SMARCC1: variants seen among roughly 807,000 people sequenced by gnomAD.
SMARCC1 encodes the protein SWI/SNF complex subunit SMARCC1.
A neutral mutation model predicts 147.4 loss-of-function variants in SMARCC1; 43 were observed. That is an observed-to-expected ratio of 0.29 (90% confidence interval 0.23 to 0.38). The LOEUF (loss-of-function observed/expected upper bound fraction) is 0.38. Among genes scored for constraint, SMARCC1 ranks in the 10% least tolerant of loss-of-function variants. The probability of loss-of-function intolerance (pLI) is 1.00; values close to 1 mark genes in which losing one functional copy is unlikely to be tolerated. For synonymous variants in SMARCC1, 495 were observed against 484.4 expected, an observed-to-expected ratio of 1.02 and a Z score of -0.29; for missense variants, 1,119 against 1,381.1, an observed-to-expected ratio of 0.81 and a Z score of 3.01.
chr3:47,687,841 C>A (rs2033744452), intron 13 of SMARCC1, among the ~76,000 whole-genome samples: 1 of 152,164 alleles, frequency 6.6e-6, no homozygotes, highest in Non-Finnish European at 1.5e-5. Context: ...TGGCTCACGC[C>A]AGCATAGTAA....
intron 21 of SMARCC1, among the ~76,000 whole-genome samples, chr3:47,647,631 A>G (rs552527367): frequency 6.6e-6 from 1 of 152,294 alleles, no homozygotes; most frequent in South Asian, 2.1e-4. Flanking sequence ...TGAGGCCAAA[A>G]ACTTGGGAGA....
chr3:47,606,643 T>C (rs901779002), intron 26 of SMARCC1, among the ~76,000 whole-genome samples: 3 of 152,214 alleles, frequency 2.0e-5, no homozygotes, highest in African/African-American at 7.2e-5. Context: ...ACCAAGTAGC[T>C]ACAGTAAACT....
At chr3:47,748,166 A>G (rs923033662) in intron 2 of SMARCC1, among the ~76,000 whole-genome samples, 2 of 152,162 alleles carry the variant, frequency 1.3e-5, no homozygotes, top group Non-Finnish European at 2.9e-5. Flanking sequence ...ATAAAAAATA[A>G]AAATAAAAAC....
intron 2 of SMARCC1, among the ~76,000 whole-genome samples, chr3:47,762,575 C>T (rs1254594865): frequency 1.3e-5 from 2 of 152,222 alleles, no homozygotes; most frequent in Non-Finnish European, 2.9e-5. Context: ...TTATGCTCAA[C>T]GTATTTACAG....
intron 5 of SMARCC1, among the ~76,000 whole-genome samples, chr3:47,732,391 T>A (rs1391007632): frequency 2.0e-5 from 3 of 152,236 alleles, no homozygotes; most frequent in Non-Finnish European, 4.4e-5. Context: ...ATCATTTGCA[T>A]GTTCACTACA....
chr3:47,718,844 T>A (rs574109188), intron 7 of SMARCC1, among the ~76,000 whole-genome samples: 2 of 152,196 alleles, frequency 1.3e-5, no homozygotes, highest in Non-Finnish European at 2.9e-5. Flanking sequence ...TAGAAAAATA[T>A]AGTACAAACA....
intron 1 of SMARCC1, among the ~76,000 whole-genome samples, chr3:47,774,165 G>A (rs1270254965): frequency 1.3e-5 from 2 of 151,498 alleles, no homozygotes; most frequent in African/African-American, 2.4e-5. Flanking sequence ...ATTATGCATA[G>A]GACAAAGGGC....
chr3:47,730,533 T>C (rs2034360479), intron 5 of SMARCC1, among the ~76,000 whole-genome samples: 1 of 152,154 alleles, frequency 6.6e-6, no homozygotes, highest in Non-Finnish European at 1.5e-5. Context: ...GAAAACAGTG[T>C]ACATACCTTA....
chr3:47,752,652 C>T (rs377626049), intron 2 of SMARCC1, among the ~76,000 whole-genome samples: 104 of 151,944 alleles, frequency 6.8e-4, no homozygotes, highest in African/African-American at 2.3e-3. Context: ...AAAATTAGCC[C>T]GGCATGGTAG....
chr3:47,702,398 TAG>T (rs1559649115), intron 10 of SMARCC1, among the ~76,000 whole-genome samples: 1 of 152,004 alleles, frequency 6.6e-6, no homozygotes, highest in East Asian at 1.9e-4. Context: ...AAATACATCA[TAG>T]AGAGATTGTA....
chr3:47,701,817 G>A (rs1490554081), intron 10 of SMARCC1, among the ~76,000 whole-genome samples: 1 of 151,226 alleles, frequency 6.6e-6, no homozygotes, highest in African/African-American at 2.4e-5. Context: ...CCATCTAAAA[G>A]AATTTTTAAA....
At chr3:47,708,082 T>TCTTTTTTC (rs1262331061) in intron 9 of SMARCC1, among the ~76,000 whole-genome samples, 2 of 92,450 alleles carry the variant, frequency 2.2e-5, no homozygotes, top group African/African-American at 7.3e-5. Context: ...GAATTTTTTT[T>TCTTTTTTC]CTTTTTTTTT....
intron 2 of SMARCC1, among the ~76,000 whole-genome samples, chr3:47,771,722 C>T (rs4858857): frequency 0.6 from 91,594 of 151,778 alleles, 28,974 homozygotes; most frequent in East Asian, 0.72. Flanking sequence ...CCAGCCTGGG[C>T]GACAGAACAA....
At chr3:47,628,103 T>TCATCAAATTCGGAAAGTTTC (rs1288429143) in intron 24 of SMARCC1, among the ~76,000 whole-genome samples, 1 of 152,118 alleles carries the variant, frequency 6.6e-6, no homozygotes, top group Non-Finnish European at 1.5e-5. Context: ...GTTAAAGTTT[T>TCATCAAATTCGGAAAGTTTC]CATCAAATTC....
At chr3:47,745,733 A>G (rs2034557623) in intron 3 of SMARCC1, among the ~76,000 whole-genome samples, 175 bp downstream of exon 3, 1 of 152,166 alleles carries the variant, frequency 6.6e-6, no homozygotes, top group African/African-American at 2.4e-5. Flanking sequence ...TGTCTCAAAA[A>G]TAAATAAATA....
intron 24 of SMARCC1, among the ~76,000 whole-genome samples, chr3:47,629,666 T>C (rs2032860996): frequency 6.6e-6 from 1 of 152,112 alleles, no homozygotes; most frequent in Non-Finnish European, 1.5e-5. Flanking sequence ...AGAAAGGATG[T>C]ATAGAGAATG....
chr3:47,781,203 C>A (rs1267779327), intron 1 of SMARCC1, among the ~76,000 whole-genome samples: 4 of 152,170 alleles, frequency 2.6e-5, no homozygotes, highest in Non-Finnish European at 5.9e-5. Flanking sequence ...AGGTAGCAAA[C>A]CCCCTCGAGA....
intron 21 of SMARCC1, among the ~76,000 whole-genome samples, chr3:47,650,096 G>A (rs939809707): frequency 1.1e-4 from 17 of 151,696 alleles, no homozygotes; most frequent in Non-Finnish European, 1.5e-4. Flanking sequence ...CTAACACGGT[G>A]AAGCCCTGTC....
At position 47,762,524 on chromosome 3, in the gene SMARCC1, A is replaced by C. The variant is rs563512694; in HGVS notation, c.315+10293T>G. ...TCCCAAAATAGTATTATCCAGTTCA[A>C]TCACACCACCACATTTGTTAGAACT... On this transcript the variant is annotated intron_variant, in intron 2 of 27. Transcript: ENST00000254480. 2.0e-5 allele frequency among the ~76,000 whole-genome samples: 3 copies of C among 152,368 alleles called. No individual in the cohort carries two copies. The East Asian group carries it at 5.8e-4, about 29-fold the overall frequency.
Sources: allele counts gnomAD v4.1 joint callset (sites outside exome capture counted in the v4.1 genomes callset), GRCh38; gene constraint gnomAD v4.1.1; transcripts MANE v1.5; gene names NCBI Gene and HGNC (gene_info 2026-07-23, HGNC 2026-07-21).